Variants in SP3 observed in about 807,000 individuals in gnomAD.
The protein encoded by SP3 is transcription factor Sp3.
A neutral mutation model predicts 70.3 loss-of-function variants in SP3; 10 were observed. The observed-to-expected ratio is 0.14, with a 90% CI of 0.09 to 0.24. The LOEUF is 0.24. SP3 is among the 10% of genes least tolerant of loss of function. The probability of loss-of-function intolerance (pLI) is 1.00; values close to 1 mark genes in which losing one functional copy is unlikely to be tolerated. For missense variants in SP3, 825 were observed against 914.6 expected (o/e 0.90, Z 1.26); for synonymous variants, 402 against 333.5 (o/e 1.21, Z -2.24).
At chr2:173,927,276 CT>C (rs34409340) in intron 4 of SP3, among the ~76,000 whole-genome samples, 9,916 of 141,810 alleles carry the variant, frequency 0.07, 417 homozygotes, top group African/African-American at 0.12. Flanking sequence ...AACTATATAT[CT>C]TTTTTTTTTT....
In SP3 at chr2:173,964,467, C is replaced by CGCCGTG; in HGVS notation, c.88_93dup (p.His30_Gly31dup). The CGCCGTG allele has an allele frequency of 4.2e-6, 3 of 710,950 alleles. No homozygotes were observed. Among genetic ancestry groups the CGCCGTG allele is most frequent in the South Asian group, 1.5e-5 (1 of 67,488 alleles). The allele number at this position is 710,950 out of a possible 1,614,324, so 44.0% of individuals were successfully genotyped here. A position where few individuals can be genotyped will look rare whatever the true frequency, so the allele number is the denominator to read the frequency against. On this transcript the variant is annotated inframe_insertion, in exon 2 of 7. Transcript: ENST00000310015. ...TGCTGTTGCTGCTGCTGCAGATACT[C>CGCCGTG]GCCGTGGCCGCCGCCGCCGCCACCG... is the stretch of plus-strand genomic sequence containing the variant.
At chr2:173,962,427 T>TA (rs747058251) in intron 3 of SP3, among the ~76,000 whole-genome samples, 11 of 152,308 alleles carry the variant, frequency 7.2e-5, no homozygotes, top group Non-Finnish European at 1.3e-4. Flanking sequence ...ATACAGTTCA[T>TA]AAAAAAATCT....
intron 4 of SP3, among the ~76,000 whole-genome samples, chr2:173,947,653 T>G (rs1002158594): frequency 6.6e-6 from 1 of 152,244 alleles, no homozygotes; most frequent in East Asian, 1.9e-4. Context: ...TTTCAAAGTC[T>G]TCAACAGAAT....
intron 5 of SP3, chr2:173,916,965 C>G (rs1032292417): frequency 1.3e-5 from 2 of 151,938 alleles, no homozygotes; most frequent in Non-Finnish European, 2.9e-5. Flanking sequence ...AAAACAAGAA[C>G]AGACATATAA....
At chr2:173,959,463 C>G (rs767852132) in intron 3 of SP3, among the ~76,000 whole-genome samples, 1 of 152,160 alleles carries the variant, frequency 6.6e-6, no homozygotes, top group Non-Finnish European at 1.5e-5. Context: ...CGGTGGCTCA[C>G]GCCTGTAATC....
chr2:173,937,579 T>C (rs1162380004), intron 4 of SP3, among the ~76,000 whole-genome samples: 2 of 152,126 alleles, frequency 1.3e-5, no homozygotes, highest in South Asian at 4.1e-4. Flanking sequence ...GAAAAAAAAT[T>C]TTTAAATAAT....
At chr2:173,929,107 T>C (rs533721998) in intron 4 of SP3, among the ~76,000 whole-genome samples, 2 of 152,214 alleles carry the variant, frequency 1.3e-5, no homozygotes, top group Admixed American at 6.5e-5. Context: ...AGGCTCCACT[T>C]GATACATGCT....
rs1574420727 is a variant in SP3 at position 173,950,728 on chromosome 2, T to C, written c.1639+4145A>G. Among the ~76,000 whole-genome samples, 6 of 151,676 alleles carry C rather than the reference T, an allele frequency of 4.0e-5. No homozygotes were observed. The South Asian group carries it at 1.2e-3, about 32-fold the overall frequency. On this transcript the variant is annotated intron_variant, in intron 4 of 6. Coordinates refer to ENST00000310015, the MANE Select transcript of SP3 (RefSeq NM_003111.5). ...AGTTTTCAGCATTTTCATCTGGGCA[T>C]ACTACACGTAACACTGAAACAAAAA...
chr2:173,962,172 C>G (rs993166574), intron 3 of SP3, among the ~76,000 whole-genome samples: 1 of 152,126 alleles, frequency 6.6e-6, no homozygotes, highest in Non-Finnish European at 1.5e-5. Flanking sequence ...AGACAGTATT[C>G]TATCCTTGGG....
chr2:173,959,959 T>C (rs1691012680), intron 3 of SP3, among the ~76,000 whole-genome samples: 2 of 152,034 alleles, frequency 1.3e-5, no homozygotes, highest in Non-Finnish European at 2.9e-5. Context: ...CCTTTGAGTC[T>C]AGGAGTTCAA....
chr2:173,913,823 T>G (rs1424359035), intron 5 of SP3: 1 of 152,220 alleles, frequency 6.6e-6, no homozygotes, highest in Non-Finnish European at 1.5e-5. Context: ...AGAAAGCTTT[T>G]TTTTAAATCT....
chr2:173,946,251 T>A (rs1690531191), intron 4 of SP3, among the ~76,000 whole-genome samples: 1 of 152,174 alleles, frequency 6.6e-6, no homozygotes, highest in African/African-American at 2.4e-5. Flanking sequence ...CATGGAAGGT[T>A]CATTATATAT....
intron 3 of SP3, among the ~76,000 whole-genome samples, chr2:173,956,998 T>C (rs541050520): frequency 6.6e-6 from 1 of 152,318 alleles, no homozygotes; most frequent in East Asian, 1.9e-4. Context: ...GGTTTCATTA[T>C]ATTCTCAATG....
rs570299314 is a variant in SP3, at chr2:173,905,996, T to C, written c.*3945A>G. On this transcript the variant is annotated 3_prime_UTR_variant, in exon 7 of 7. Coordinates refer to ENST00000310015, the MANE Select transcript of SP3 (RefSeq NM_003111.5). Reference sequence around the variant, plus strand: ...TGACAGAGACAGACCCTGTCAAATATAGGGAAAAAACAAACAATAAACCCT... The same window carrying C: ...TGACAGAGACAGACCCTGTCAAATACAGGGAAAAAACAAACAATAAACCCT... Among the ~76,000 whole-genome samples, 1 of 152,204 alleles carries C rather than the reference T, an allele frequency of 6.6e-6. No individual in the cohort carries two copies. The highest frequency in any genetic ancestry group is 2.1e-4 in the South Asian group (1 of 4,826).
At chr2:173,961,791 T>C (rs1044348863) in intron 3 of SP3, among the ~76,000 whole-genome samples, 2 of 152,190 alleles carry the variant, frequency 1.3e-5, no homozygotes, top group Admixed American at 6.5e-5. Context: ...AAAGATGTCT[T>C]AAGTTCATAT....
intron 4 of SP3, among the ~76,000 whole-genome samples, chr2:173,941,026 C>A (rs1416483392): frequency 6.6e-6 from 1 of 151,388 alleles, no homozygotes; most frequent in Non-Finnish European, 1.5e-5. Context: ...CATACTTTCT[C>A]TCCTCTATCA....
chr2:173,955,969 A>C lies in SP3; in HGVS notation c.543T>G (p.Gly181=), dbSNP rs563862708. The C allele has an allele frequency of 5.6e-6, 9 of 1,614,076 alleles. No homozygotes were observed. Among genetic ancestry groups the C allele is most frequent in the Non-Finnish European group, 6.8e-6 (8 of 1,180,040 alleles). The change falls in exon 4 of 7, where the codon GGT becomes GGG. Residue 181 remains glycine (G), a synonymous_variant. Transcript: ENST00000310015. ...CTGTGAAACCAATTTGAACCTGCTG[A>C]CCATCTGCTGACTGGATCTGTGGTA... ...QVIPQIQSAD[G]QQVQIGFTGS...
At position 173,913,260 on chromosome 2, in the gene SP3, G is replaced by A. The variant is rs370097537; in HGVS notation, c.1839C>T (p.Thr613=). 30 of 1,586,864 alleles carry A rather than the reference G, an allele frequency of 1.9e-5. No individual in the cohort carries two copies. The highest frequency in any genetic ancestry group is 2.6e-5 in the Non-Finnish European group (30 of 1,164,504). The change falls in exon 6 of 7, where the codon ACC becomes ACT. Residue 613 remains threonine, a synonymous_variant. Coordinates refer to ENST00000310015, the MANE Select transcript of SP3 (RefSeq NM_003111.5). ...PNCKEGGGRG[T]NLGKKKQHIC... is the part of the protein sequence containing the mutation. ...TGTGTTGCTTCTTTTTCCCAAGATT[G>A]GTACCTCTAAAAAACACACATAGAA...
intron 4 of SP3, among the ~76,000 whole-genome samples, chr2:173,933,942 G>A (rs571744322): frequency 2.7e-5 from 4 of 150,896 alleles, no homozygotes; most frequent in South Asian, 2.1e-4. Flanking sequence ...AATGAAAAGC[G>A]GAAATAAGAG....
Sources: allele counts gnomAD v4.1 joint callset (sites outside exome capture counted in the v4.1 genomes callset), GRCh38; gene constraint gnomAD v4.1.1; transcripts MANE v1.5; gene names NCBI Gene and HGNC (gene_info 2026-07-23, HGNC 2026-07-21).